SCRN1: variants seen among roughly 807,000 people sequenced by gnomAD.
SCRN1 encodes the protein secernin-1.
A neutral mutation model predicts 43.3 loss-of-function variants in SCRN1; 19 were observed. The ratio of observed to expected loss-of-function variants is 0.44; its 90% CI spans 0.31 to 0.64. SCRN1 has a LOEUF of 0.64. Among genes scored for constraint, SCRN1 ranks in the 30% least tolerant of loss-of-function variants. SCRN1 has a pLI of 0.09. For missense variants in SCRN1, 447 were observed against 524.1 expected, an observed-to-expected ratio of 0.85 and a Z score of 1.44; for synonymous variants, 183 against 188.9, an observed-to-expected ratio of 0.97 and a Z score of 0.26.
At chr7:29,949,090 C>T (rs1184347734) in intron 3 of SCRN1, among the ~76,000 whole-genome samples, 11 of 151,774 alleles carry the variant, frequency 7.2e-5, no homozygotes, top group Non-Finnish European at 1.3e-4. Flanking sequence ...CTGAGGCAGG[C>T]GGATCACGAG....
intron 1 of SCRN1, among the ~76,000 whole-genome samples, chr7:29,985,905 C>G (rs1212632215): frequency 1.3e-5 from 2 of 152,336 alleles, no homozygotes; most frequent in South Asian, 2.1e-4. Flanking sequence ...ATTATGAGCT[C>G]AGCCACCCTC....
chr7:29,940,650 G>A (rs772015371), intron 5 of SCRN1, 32 bp downstream of exon 5: 1 of 1,558,116 alleles, frequency 6.4e-7, no homozygotes. Flanking sequence ...AAGGGTATGA[G>A]AAGGAGAATC....
chr7:29,952,337 TGTA>T (rs1352412902), intron 3 of SCRN1, among the ~76,000 whole-genome samples: 7 of 152,212 alleles, frequency 4.6e-5, no homozygotes, highest in Non-Finnish European at 1.0e-4. Flanking sequence ...TTTTTTGACT[TGTA>T]GTATCAATAT....
chr7:29,923,756 T>G lies in SCRN1; in HGVS notation c.*201A>C. ...ACAGGCAACGGGATACATGTTACAC[T>G]GCACAGGAAGGAGACCTACATTGCA... On this transcript the variant is annotated 3_prime_UTR_variant, in exon 8 of 8. Transcript: ENST00000242059. 1 of 597,566 alleles carries G rather than the reference T, an allele frequency of 1.7e-6. No individual in the cohort carries two copies. Among genetic ancestry groups the G allele is most frequent in the Non-Finnish European group, 2.9e-6 (1 of 339,674 alleles). The allele number at this position is 597,566 out of a possible 1,614,324, so 37.0% of individuals were successfully genotyped here.
rs577184210 is a variant in SCRN1, at chr7:29,950,677, G to A, written c.341+4502C>T. On this transcript the variant is annotated intron_variant, in intron 3 of 7. Coordinates refer to ENST00000242059, the MANE Select transcript of SCRN1 (RefSeq NM_014766.5). This position sits in a 1 kb window ranked among gnomAD's most constrained non-coding sequence, Gnocchi z 4.5. ...CAGACTCAGTCAGACTCACACAGAC[G>A]TTAGGACTACCAGCTGCAGGAAGGA... 3.3e-5 allele frequency among the ~76,000 whole-genome samples: 5 copies of A among 152,288 alleles called. No homozygotes were observed. The highest frequency in any genetic ancestry group is 2.1e-4 in the South Asian group (1 of 4,826).
At chr7:29,975,043 T>A (rs1429933315) in intron 1 of SCRN1, among the ~76,000 whole-genome samples, 2 of 152,182 alleles carry the variant, frequency 1.3e-5, no homozygotes, top group African/African-American at 4.8e-5. Flanking sequence ...GGCTTTAAGA[T>A]TTTTCTCCTT....
chr7:29,926,302 G>C, intron 7 of SCRN1, 150 bp downstream of exon 7: 1 of 721,092 alleles, frequency 1.4e-6, no homozygotes, highest in Non-Finnish European at 2.2e-6. Context: ...TTCTAGGAAA[G>C]GCCCCAGGAA....
At chr7:29,986,575 T>A (rs1195913849) in intron 1 of SCRN1, among the ~76,000 whole-genome samples, 2 of 152,076 alleles carry the variant, frequency 1.3e-5, no homozygotes, top group African/African-American at 2.4e-5. Context: ...TAAAAAAAAA[T>A]AACTTTTGTT....
At chr7:29,958,427 A>C (rs1788205430) in intron 2 of SCRN1, among the ~76,000 whole-genome samples, 1 of 152,200 alleles carries the variant, frequency 6.6e-6, no homozygotes, top group Non-Finnish European at 1.5e-5. Flanking sequence ...AGCCACTTTT[A>C]AATATAAAAT....
chr7:29,973,669 T>G (rs1788728863), intron 1 of SCRN1, among the ~76,000 whole-genome samples: 1 of 152,216 alleles, frequency 6.6e-6, no homozygotes, highest in Non-Finnish European at 1.5e-5. Flanking sequence ...AGTCAGGTTT[T>G]AGGTTGAAAA....
chr7:29,956,625 C>T (rs753406384), intron 2 of SCRN1, among the ~76,000 whole-genome samples: 3 of 152,220 alleles, frequency 2.0e-5, no homozygotes, highest in African/African-American at 4.8e-5. Flanking sequence ...ACCCGTGTGA[C>T]ACACACACTC....
At chr7:29,986,717 A>ATTTTTTTTTTT (rs553845779) in intron 1 of SCRN1, among the ~76,000 whole-genome samples, 28 of 99,846 alleles carry the variant, frequency 2.8e-4, no homozygotes, top group Non-Finnish European at 3.4e-4. Context: ...AATTTTTTTA[A>ATTTTTTTTTTT]TTTTTTTTTT....
intron 3 of SCRN1, chr7:29,947,281 G>A (rs917684906): frequency 2.1e-5 from 33 of 1,550,710 alleles, no homozygotes; most frequent in African/African-American, 2.7e-5. Context: ...TCACAGGTAT[G>A]TCAAGCTCAC....
chr7:29,989,859 C>A, upstream of SCRN1: 1 of 856,788 alleles, frequency 1.2e-6, no homozygotes, highest in Admixed American at 6.4e-5. Context: ...TGACCGCGGG[C>A]CCACCCTCCG....
chr7:29,924,143 G>A, intron 7 of SCRN1, 28 bp from the exon 8 acceptor site: 1 of 1,594,448 alleles, frequency 6.3e-7, no homozygotes, highest in Middle Eastern at 2.0e-4. Flanking sequence ...TGCTTTAGGT[G>A]TCAGCAAAAT....
At chr7:29,932,756 A>G (rs980954135) in intron 6 of SCRN1, among the ~76,000 whole-genome samples, 2 of 150,966 alleles carry the variant, frequency 1.3e-5, no homozygotes. Flanking sequence ...GGTAGAGGGG[A>G]ATGTCCCTGG....
intron 1 of SCRN1, chr7:29,989,152 C>G (rs1482345654): frequency 6.6e-6 from 1 of 152,156 alleles, no homozygotes; most frequent in East Asian, 1.9e-4. Context: ...GAGTTGGACG[C>G]GCTGGCAGAG....
rs1473828193 is a variant in SCRN1, at chr7:29,921,662, GC to G, written c.*2294del. ...ATCACAATTGTGGTGCAGAGTATTA[GC>G]CAAGACAGCTCTCAATTAGGGTTGC... On this transcript the variant is annotated 3_prime_UTR_variant, in exon 8 of 8. Coordinates refer to ENST00000242059, the MANE Select transcript of SCRN1 (RefSeq NM_014766.5). The G allele has an allele frequency of 6.6e-6, 1 of 152,228 alleles. No individual in the cohort carries two copies. The highest frequency in any genetic ancestry group is 1.9e-4 in the East Asian group (1 of 5,196). The allele number at this position is 152,228 out of a possible 1,614,324, so 9.4% of individuals were successfully genotyped here.
At chr7:29,937,607 G>T (rs372101891) in intron 5 of SCRN1, among the ~76,000 whole-genome samples, 6 of 152,314 alleles carry the variant, frequency 3.9e-5, no homozygotes, top group African/African-American at 1.4e-4. Context: ...TTGCTGGTCA[G>T]AGTCAATACT....
Sources: allele counts gnomAD v4.1 joint callset (sites outside exome capture counted in the v4.1 genomes callset), GRCh38; gene constraint gnomAD v4.1.1; non-coding constraint Gnocchi (gnomAD v3.1); transcripts MANE v1.5; gene names NCBI Gene and HGNC (gene_info 2026-07-23, HGNC 2026-07-21).